The following CRPPA variants were observed in gnomAD, a reference collection of about 807,000 sequenced individuals.
CRPPA encodes the protein D-ribitol-5-phosphate cytidylyltransferase.
CRPPA carries 43 observed loss-of-function variants against 52.0 expected under a neutral mutation model. That is an observed-to-expected ratio of 0.83 (90% CI 0.65 to 1.07). The LOEUF is 1.07. CRPPA is among the 50% of genes least tolerant of loss of function. The pLI is 0.00. For missense variants in CRPPA, 629 were observed against 551.7 expected (o/e 1.14, Z -1.40); for synonymous variants, 250 against 203.5 (o/e 1.23, Z -1.94).
chr7:16,210,910 A>C (rs1441187560), intron 9 of CRPPA, among the ~76,000 whole-genome samples: 1 of 152,208 alleles, frequency 6.6e-6, no homozygotes, highest in South Asian at 2.1e-4. Context: ...CTACTGTTCA[A>C]TACATCAGTA....
At chr7:16,332,461 T>C (rs1364643356) in intron 3 of CRPPA, among the ~76,000 whole-genome samples, 13 of 152,178 alleles carry the variant, frequency 8.5e-5, no homozygotes, top group Admixed American at 5.9e-4. Flanking sequence ...TGTGTACATA[T>C]ACATGCTTAT....
intron 9 of CRPPA, among the ~76,000 whole-genome samples, chr7:16,199,060 C>G (rs928632297): frequency 9.2e-5 from 14 of 152,066 alleles, no homozygotes; most frequent in Admixed American, 3.3e-4. Flanking sequence ...ACTGACCAAC[C>G]CTTTGTAATT....
chr7:16,278,708 G>C (rs1784260378), intron 5 of CRPPA, among the ~76,000 whole-genome samples: 1 of 152,124 alleles, frequency 6.6e-6, no homozygotes, highest in Non-Finnish European at 1.5e-5. Context: ...TTTCAATTCA[G>C]TACAATTAAG....
At chr7:16,305,413 A>G (rs552136612) in intron 4 of CRPPA, among the ~76,000 whole-genome samples, 1 of 152,354 alleles carries the variant, frequency 6.6e-6, no homozygotes, top group South Asian at 2.1e-4. Flanking sequence ...GAAGCATGGC[A>G]TTATTCAAAT....
intron 3 of CRPPA, among the ~76,000 whole-genome samples, chr7:16,310,562 T>G (rs994672844): frequency 3.3e-5 from 5 of 152,118 alleles, no homozygotes; most frequent in African/African-American, 1.2e-4. Context: ...GAATTTTAAA[T>G]CAGGTGACGG....
intron 6 of CRPPA, among the ~76,000 whole-genome samples, chr7:16,260,917 T>C (rs1353189492): frequency 1.3e-5 from 2 of 152,040 alleles, no homozygotes; most frequent in African/African-American, 4.8e-5. Flanking sequence ...AAACAAAACT[T>C]TGCCACCAGT....
chr7:16,140,117 T>G (rs1330136441), intron 9 of CRPPA, among the ~76,000 whole-genome samples: 1 of 152,204 alleles, frequency 6.6e-6, no homozygotes, highest in Non-Finnish European at 1.5e-5. Context: ...AATATTTATG[T>G]TATTATAAAT....
At chr7:16,346,935 A>G (rs1053195343) in intron 3 of CRPPA, among the ~76,000 whole-genome samples, 9 of 152,082 alleles carry the variant, frequency 5.9e-5, no homozygotes, top group Non-Finnish European at 8.8e-5. Flanking sequence ...CTGCAGCTAT[A>G]AGCAAAGCCA....
intron 3 of CRPPA, among the ~76,000 whole-genome samples, chr7:16,338,797 C>T (rs1294349420): frequency 2.0e-5 from 3 of 148,778 alleles, no homozygotes; most frequent in Non-Finnish European, 3.0e-5. Flanking sequence ...ATGGGTTCAT[C>T]GTGAATTCTA....
At chr7:16,106,027 T>C (rs1782144078) in intron 9 of CRPPA, among the ~76,000 whole-genome samples, 1 of 152,038 alleles carries the variant, frequency 6.6e-6, no homozygotes, top group African/African-American at 2.4e-5. Context: ...GCAGGGAGAC[T>C]TCCACATCTG....
chr7:16,260,949 T>C (rs1783778286), intron 6 of CRPPA, among the ~76,000 whole-genome samples: 1 of 152,030 alleles, frequency 6.6e-6, no homozygotes, highest in South Asian at 2.1e-4. Flanking sequence ...AAATATCTTG[T>C]GTCAAGAAAA....
intron 5 of CRPPA, among the ~76,000 whole-genome samples, chr7:16,298,275 A>G (rs529679281): frequency 1.3e-5 from 2 of 152,186 alleles, no homozygotes; most frequent in African/African-American, 4.8e-5. Context: ...TCCAAATTCT[A>G]AGACATATAT....
chr7:16,149,714 G>C (rs963637115), intron 9 of CRPPA, among the ~76,000 whole-genome samples: 4 of 152,066 alleles, frequency 2.6e-5, no homozygotes, highest in African/African-American at 9.7e-5. Flanking sequence ...GGCCAGGAGC[G>C]GGGGCTCACG....
chr7:16,252,783 C>A (rs1395312333), intron 8 of CRPPA, among the ~76,000 whole-genome samples: 1 of 151,962 alleles, frequency 6.6e-6, no homozygotes, highest in Non-Finnish European at 1.5e-5. Context: ...CAATTTCAGA[C>A]TCTGTTATTG....
intron 5 of CRPPA, among the ~76,000 whole-genome samples, chr7:16,286,038 A>AAAT (rs1784426837): frequency 5.7e-5 from 1 of 17,502 alleles, no homozygotes; most frequent in Non-Finnish European, 9.5e-5. Context: ...AAAAAAAAAA[A>AAAT]ATATAAATAT....
At chr7:16,257,767 A>C (rs1355100664) in intron 8 of CRPPA, among the ~76,000 whole-genome samples, 2 of 151,988 alleles carry the variant, frequency 1.3e-5, no homozygotes, top group Non-Finnish European at 2.9e-5. Flanking sequence ...GCCAATTTAG[A>C]GGACTTGGGC....
At chr7:16,097,482 T>C (rs1266469487) in intron 9 of CRPPA, among the ~76,000 whole-genome samples, 1 of 152,184 alleles carries the variant, frequency 6.6e-6, no homozygotes, top group Non-Finnish European at 1.5e-5. Context: ...AAGTTTAGGA[T>C]GAAATACACC....
intron 3 of CRPPA, among the ~76,000 whole-genome samples, chr7:16,350,984 C>G (rs1377998605): frequency 6.6e-6 from 1 of 152,016 alleles, no homozygotes; most frequent in Non-Finnish European, 1.5e-5. Flanking sequence ...AGGCCAAAAA[C>G]TGTAAAAACA....
rs1314449626 is a variant in CRPPA, at chr7:16,216,127, A to G, written c.1190T>C (p.Phe397Ser). 2 of 1,593,900 alleles carry G rather than the reference A, an allele frequency of 1.3e-6. No individual in the cohort carries two copies. The highest frequency in any genetic ancestry group is 1.7e-6 in the Non-Finnish European group (2 of 1,164,108). ...ATTTCTTTCTTTTACTTCCTTTGCA[A>G]ATTCTCTAATCTGCATTAGGTTTTC... ...KMENLMQIRE[F>S]AKEVKERNIL... Residue 397 changes from phenylalanine to serine, a missense_variant, in exon 9 of 10, where the codon TTT becomes TCT. Phe to Ser is a radical substitution (Grantham distance 155). Transcript: ENST00000407010.
Sources: allele counts gnomAD v4.1 joint callset (sites outside exome capture counted in the v4.1 genomes callset), GRCh38; gene constraint gnomAD v4.1.1; transcripts MANE v1.5; gene names NCBI Gene and HGNC (gene_info 2026-07-23, HGNC 2026-07-21).